MEGF10: variants seen among roughly 807,000 people sequenced by gnomAD.
The protein encoded by MEGF10 is multiple EGF like domains 10, also known as multiple epidermal growth factor-like domains protein 10.
In MEGF10, 86 loss-of-function variants were observed where a neutral mutation model predicts 147.5. The ratio of observed to expected loss-of-function variants is 0.58; its 90% CI spans 0.49 to 0.70. The LOEUF is 0.70. Among genes scored for constraint, MEGF10 ranks in the 30% least tolerant of loss-of-function variants. The probability of loss-of-function intolerance (pLI) is 0.00; values close to 1 mark genes in which losing one functional copy is unlikely to be tolerated. For missense variants in MEGF10, 1,329 were observed against 1,487.3 expected, an observed-to-expected ratio of 0.89 and a Z score of 1.75; for synonymous variants, 478 against 525.5, an observed-to-expected ratio of 0.91 and a Z score of 1.24.
intron 14 of MEGF10, 95 bp from the exon 15 acceptor site, chr5:127,434,592 C>T: frequency 7.4e-7 from 1 of 1,348,786 alleles, no homozygotes; most frequent in Admixed American, 2.8e-5. Context: ...TAAGGTTTTG[C>T]TTTTTAACCT....
At chr5:127,370,684 A>G (rs1762813533) in intron 5 of MEGF10, among the ~76,000 whole-genome samples, 2 of 152,350 alleles carry the variant, frequency 1.3e-5, no homozygotes, top group South Asian at 4.1e-4. Context: ...TATCACAAAG[A>G]TTATATCATG....
the MEGF10 span, among the ~76,000 whole-genome samples, chr5:127,255,383 G>A: frequency 1.3e-5 from 2 of 152,044 alleles, no homozygotes; most frequent in Admixed American, 1.3e-4. Context: ...CTACATTTTA[G>A]CAAAATTCAG....
At chr5:127,363,304 T>C (rs991157104) in intron 4 of MEGF10, among the ~76,000 whole-genome samples, 1 of 152,174 alleles carries the variant, frequency 6.6e-6, no homozygotes, top group Non-Finnish European at 1.5e-5. Flanking sequence ...AATAGAAACA[T>C]ATACATAATA....
the MEGF10 span, among the ~76,000 whole-genome samples, chr5:127,259,187 G>C: frequency 6.6e-6 from 1 of 152,174 alleles, no homozygotes; most frequent in Non-Finnish European, 1.5e-5. Flanking sequence ...AACACAGAAT[G>C]GGGGAGGCAA....
At chr5:127,237,448 C>T in the MEGF10 span, among the ~76,000 whole-genome samples, 2 of 152,120 alleles carry the variant, frequency 1.3e-5, no homozygotes, top group Non-Finnish European at 2.9e-5. Flanking sequence ...GCTGAGATCA[C>T]ACCACTGCAC....
At chr5:127,246,985 AATATATATATAT>A in the MEGF10 span, among the ~76,000 whole-genome samples, 346 of 104,182 alleles carry the variant, frequency 3.3e-3, 3 homozygotes, top group Middle Eastern at 0.026. Context: ...GTATAAAAAG[AATATATATATAT>A]ATATATATAT....
chr5:127,316,909 A>G (rs921538800), intron 1 of MEGF10, among the ~76,000 whole-genome samples: 3 of 152,204 alleles, frequency 2.0e-5, no homozygotes, highest in Admixed American at 6.5e-5. Context: ...AAAGAAAGTG[A>G]CAGTTGATCC....
At chr5:127,313,412 G>C (rs573348170) in intron 1 of MEGF10, among the ~76,000 whole-genome samples, 1 of 152,248 alleles carries the variant, frequency 6.6e-6, no homozygotes, top group African/African-American at 2.4e-5. Flanking sequence ...ATGATTTATG[G>C]AGAAGAATCA....
At chr5:127,247,798 G>A in the MEGF10 span, among the ~76,000 whole-genome samples, 2 of 152,036 alleles carry the variant, frequency 1.3e-5, no homozygotes. Context: ...AGCTGAGGGG[G>A]CAGAAATGGT....
intron 4 of MEGF10, among the ~76,000 whole-genome samples, chr5:127,345,751 A>G (rs1263421466): frequency 6.6e-6 from 1 of 152,096 alleles, no homozygotes; most frequent in Non-Finnish European, 1.5e-5. Context: ...GGTTATATCA[A>G]TAAGTTCTTT....
At chr5:127,396,136 T>C (rs1763901207) in intron 5 of MEGF10, among the ~76,000 whole-genome samples, 1 of 152,088 alleles carries the variant, frequency 6.6e-6, no homozygotes, top group African/African-American at 2.4e-5. Flanking sequence ...CCCCTTAATA[T>C]GCTAAAAAGT....
chr5:127,393,007 A>C (rs1763763661), intron 5 of MEGF10, among the ~76,000 whole-genome samples: 1 of 152,242 alleles, frequency 6.6e-6, no homozygotes, highest in South Asian at 2.1e-4. Flanking sequence ...ATGAGTCGGC[A>C]CTTGCTCACT....
intron 4 of MEGF10, among the ~76,000 whole-genome samples, chr5:127,352,312 G>A (rs1190411119): frequency 1.3e-5 from 2 of 152,068 alleles, no homozygotes; most frequent in Non-Finnish European, 2.9e-5. Context: ...GGTGAAAAAT[G>A]GTACCTAGCT....
intron 21 of MEGF10, among the ~76,000 whole-genome samples, chr5:127,448,106 T>C (rs1268773879): frequency 6.6e-6 from 1 of 152,206 alleles, no homozygotes; most frequent in Admixed American, 6.5e-5. Context: ...GTGTCTCTTC[T>C]GACCGCCCGT....
chr5:127,391,098 G>GCACACACACACACACACACACACACA (rs1158697334), intron 5 of MEGF10, among the ~76,000 whole-genome samples: 1 of 29,736 alleles, frequency 3.4e-5, no homozygotes, highest in African/African-American at 7.0e-5. Flanking sequence ...GCGCGCGCGC[G>GCACACACACACACACACACACACACA]CGCGCACACA....
At chr5:127,403,006 G>A (rs1488983489) in intron 8 of MEGF10, among the ~76,000 whole-genome samples, 1 of 152,158 alleles carries the variant, frequency 6.6e-6, no homozygotes, top group African/African-American at 2.4e-5. Context: ...TAAGTACTTG[G>A]TGATAGATTT....
At chr5:127,396,036 C>T (rs1763898365) in intron 5 of MEGF10, among the ~76,000 whole-genome samples, 1 of 152,162 alleles carries the variant, frequency 6.6e-6, no homozygotes, top group Non-Finnish European at 1.5e-5. Context: ...ATCGTCAGCT[C>T]CTTCCACACA....
chr5:127,237,277 G>A, the MEGF10 span, among the ~76,000 whole-genome samples: 18 of 152,250 alleles, frequency 1.2e-4, no homozygotes, highest in Non-Finnish European at 2.6e-4. Context: ...GGTAGATCAC[G>A]AGGTCACGAG....
intron 4 of MEGF10, among the ~76,000 whole-genome samples, chr5:127,347,535 G>C (rs142308885): frequency 1.8e-4 from 28 of 152,084 alleles, no homozygotes; most frequent in Non-Finnish European, 2.8e-4. Context: ...TTATGTTAGG[G>C]AGTTAGAGAA....
Sources: gnomAD v4.1 joint callset for allele counts (sites outside exome capture counted in the v4.1 genomes callset) on GRCh38, gnomAD v4.1.1 for gene constraint, MANE v1.5 for transcripts, NCBI Gene and HGNC (gene_info 2026-07-23, HGNC 2026-07-21) for gene names.